Variants in NSD1 observed in about 807,000 individuals in gnomAD.
The protein encoded by NSD1 is histone-lysine N-methyltransferase, H3 lysine-36 specific.
Under a neutral mutation model 242.7 loss-of-function variants are expected in NSD1, and 26 were observed. The ratio of observed to expected loss-of-function variants is 0.11; its 90% confidence interval spans 0.08 to 0.15. The LOEUF is 0.15. NSD1 is among the 10% of genes least tolerant of loss of function. The probability of loss-of-function intolerance (pLI) is 1.00; values close to 1 mark genes in which losing one functional copy is unlikely to be tolerated. For synonymous variants in NSD1, 1,106 were observed against 1,178.1 expected (o/e 0.94, Z 1.25); for missense variants, 2,495 against 3,272.8 (o/e 0.76, Z 5.80).
intron 5 of NSD1, among the ~76,000 whole-genome samples, chr5:177,213,387 C>A (rs1763512967): frequency 6.6e-6 from 1 of 152,186 alleles, no homozygotes. Context: ...AGTTGTGCAA[C>A]AATCAGTGCG....
intron 18 of NSD1, 81 bp from the exon 19 acceptor site, chr5:177,282,380 TTTCA>T: frequency 1.2e-6 from 1 of 861,216 alleles, no homozygotes; most frequent in Non-Finnish European, 2.0e-6. Context: ...AATGTGATGT[TTTCA>T]TTAATTTTTT....
intron 5 of NSD1, 64 bp from the exon 6 acceptor site, chr5:177,235,757 C>G (rs991873320): frequency 6.2e-7 from 1 of 1,609,704 alleles, no homozygotes; most frequent in Non-Finnish European, 8.5e-7. Context: ...CAGATGGTCT[C>G]ATAAAAACAG....
chr5:177,165,273 G>A (rs1350735277), intron 2 of NSD1, among the ~76,000 whole-genome samples: 2 of 151,898 alleles, frequency 1.3e-5, no homozygotes, highest in African/African-American at 2.4e-5. Flanking sequence ...CCAGGTTCAA[G>A]TGATTCTTCT....
chr5:177,178,434 C>T (rs867127435), intron 2 of NSD1, among the ~76,000 whole-genome samples: 3 of 152,122 alleles, frequency 2.0e-5, no homozygotes, highest in Admixed American at 2.0e-4. Flanking sequence ...CCATGTTGGT[C>T]GGGCTGGTCT....
intron 3 of NSD1, among the ~76,000 whole-genome samples, chr5:177,199,506 C>T (rs1371505736): frequency 6.6e-6 from 1 of 152,210 alleles, no homozygotes; most frequent in Non-Finnish European, 1.5e-5. Flanking sequence ...GTCTTCTTGC[C>T]TTGGCCTCAA....
chr5:177,274,934 G>T (rs1223228736), intron 17 of NSD1, among the ~76,000 whole-genome samples: 1 of 151,540 alleles, frequency 6.6e-6, no homozygotes, highest in African/African-American at 2.4e-5. Context: ...GGGTTTCGCC[G>T]TGTTGGCCAG....
chr5:177,150,863 A>AC (rs1757644252), intron 2 of NSD1, among the ~76,000 whole-genome samples: 1 of 152,172 alleles, frequency 6.6e-6, no homozygotes, highest in Non-Finnish European at 1.5e-5. Context: ...TTGTGTCTAT[A>AC]CCCAGTGAAA....
upstream of NSD1, chr5:177,133,629 C>G (rs920350985): frequency 5.3e-5 from 8 of 149,978 alleles, no homozygotes; most frequent in Non-Finnish European, 8.9e-5. This position sits in a 1 kb window ranked among gnomAD's most constrained non-coding sequence, Gnocchi z 6.2. Context: ...CCCTGAACCC[C>G]GAAGAGTGAG....
At chr5:177,222,273 C>T (rs148413270) in intron 5 of NSD1, among the ~76,000 whole-genome samples, 3,923 of 152,206 alleles carry the variant, frequency 0.026, 52 homozygotes, top group African/African-American at 0.03. Flanking sequence ...GGACTACAGG[C>T]GCGCACCACC....
At position 177,135,786 on chromosome 5, in the gene NSD1, C is replaced by G. The variant is rs1430633252; in HGVS notation, c.683C>G (p.Pro228Arg). The stretch of plus-strand genomic sequence containing the variant: ...GGTGCAGTCAAATCGCCATTCTTGC[C>G]ATTAGCTCCTCAGACTGAAACACAG... The part of the protein sequence containing the change: ...RHGAVKSPFL[P>R]LAPQTETQKN... Residue 228 changes from proline to arginine, a missense_variant, in exon 2 of 23, where the codon CCA becomes CGA. Physicochemically the swap from Pro to Arg is moderately radical, Grantham distance 103. This residue lies in a region of NSD1 where 376 missense variants were observed against 367.4 expected (regional missense o/e 1.02). Coordinates refer to ENST00000439151, the MANE Select transcript of NSD1 (RefSeq NM_022455.5). 1 of 1,612,536 alleles carries G rather than the reference C, an allele frequency of 6.2e-7. No individual in the cohort carries two copies. Among genetic ancestry groups the G allele is most frequent in the East Asian group, 2.2e-5 (1 of 44,858 alleles).
At chr5:177,174,950 C>G (rs1159965233) in intron 2 of NSD1, among the ~76,000 whole-genome samples, 1 of 147,362 alleles carries the variant, frequency 6.8e-6, no homozygotes. Context: ...TGGCCCACTG[C>G]AAGCTCTGCC....
intron 22 of NSD1, among the ~76,000 whole-genome samples, chr5:177,293,342 A>T (rs1305020582): frequency 6.6e-6 from 1 of 152,168 alleles, no homozygotes; most frequent in Non-Finnish European, 1.5e-5. Context: ...AGCAAAGGTA[A>T]ATCTTCCATT....
At chr5:177,167,526 ACT>A (rs1378445029) in intron 2 of NSD1, among the ~76,000 whole-genome samples, 1 of 151,012 alleles carries the variant, frequency 6.6e-6, no homozygotes, top group East Asian at 1.9e-4. Flanking sequence ...CAAGAGCAAA[ACT>A]CTATCTCAAA....
At chr5:177,186,068 ATGT>A (rs1761191886) in intron 2 of NSD1, among the ~76,000 whole-genome samples, 3 of 113,038 alleles carry the variant, frequency 2.7e-5, no homozygotes. Flanking sequence ...CATATAATAT[ATGT>A]TATATATAAT....
At chr5:177,173,404 G>A (rs1170683703) in intron 2 of NSD1, among the ~76,000 whole-genome samples, 1 of 151,500 alleles carries the variant, frequency 6.6e-6, no homozygotes, top group Non-Finnish European at 1.5e-5. Context: ...GCTGTGATGG[G>A]AGGATTGAGT....
intron 5 of NSD1, among the ~76,000 whole-genome samples, chr5:177,213,953 A>G (rs1763564287): frequency 6.6e-6 from 1 of 151,044 alleles, no homozygotes; most frequent in Non-Finnish European, 1.5e-5. Flanking sequence ...GTTAAAAAGC[A>G]TGTAACCTAA....
chr5:177,239,995 T>C (rs1765728487), intron 8 of NSD1, 130 bp downstream of exon 8: 3 of 630,732 alleles, frequency 4.8e-6, no homozygotes, highest in Non-Finnish European at 8.6e-6. Flanking sequence ...TCAGCAGTCA[T>C]ACATGATCTG....
At chr5:177,252,910 T>C (rs899931645) in intron 12 of NSD1, among the ~76,000 whole-genome samples, 1 of 151,796 alleles carries the variant, frequency 6.6e-6, no homozygotes, top group Non-Finnish European at 1.5e-5. Flanking sequence ...GCTGCACATC[T>C]GGATGATACT....
intron 9 of NSD1, among the ~76,000 whole-genome samples, chr5:177,244,669 CATTT>C (rs754317756): frequency 1.3e-5 from 2 of 152,204 alleles, no homozygotes; most frequent in Non-Finnish European, 2.9e-5. Flanking sequence ...TTCCACTCTT[CATTT>C]GTCTGCCAAT....
Sources: allele counts gnomAD v4.1 joint callset (sites outside exome capture counted in the v4.1 genomes callset), GRCh38; gene constraint gnomAD v4.1.1; regional missense constraint gnomAD v4.1.1; non-coding constraint Gnocchi (gnomAD v3.1); transcripts MANE v1.5; gene names NCBI Gene and HGNC (gene_info 2026-07-23, HGNC 2026-07-21).